Variants in NCOA3 observed in about 807,000 individuals in gnomAD.
NCOA3 encodes CBP-interacting protein.
A neutral mutation model predicts 158.8 loss-of-function variants in NCOA3; 51 were observed. The observed-to-expected ratio is 0.32, with a 90% CI of 0.26 to 0.41. The LOEUF (loss-of-function observed/expected upper bound fraction) is 0.41, where lower values mean the gene tolerates loss of function less well. NCOA3 is among the 10% of genes least tolerant of loss of function. NCOA3 has a pLI of 1.00. For missense variants in NCOA3, 1,510 were observed against 1,746.6 expected, an observed-to-expected ratio of 0.86 and a Z score of 2.41; for synonymous variants, 537 against 592.4, an observed-to-expected ratio of 0.91 and a Z score of 1.36.
intron 8 of NCOA3, among the ~76,000 whole-genome samples, chr20:47,629,156 TATAC>T (rs1449290433): frequency 6.6e-6 from 1 of 152,150 alleles, no homozygotes; most frequent in Non-Finnish European, 1.5e-5. Flanking sequence ...GTATATATAA[TATAC>T]ATAATGCAGA....
intron 2 of NCOA3, among the ~76,000 whole-genome samples, chr20:47,588,943 C>G (rs1344587812): frequency 6.6e-6 from 1 of 152,084 alleles, no homozygotes; most frequent in Non-Finnish European, 1.5e-5. Flanking sequence ...GGCTGGAGTA[C>G]AGTGGTGCAA....
rs1483895440 is a variant in NCOA3, at chr20:47,525,145, A to T, written c.-99+23126A>T. On this transcript the variant is annotated intron_variant, in intron 1 of 22. Transcript: ENST00000371998. ...GGAGTGGTGATGACTCTTAAGGAGC[A>T]TGCTGCCTTCAAGCATCTGTTTAAC... Among the ~76,000 whole-genome samples the T allele has an allele frequency of 5.4e-5, 8 of 149,466 alleles. No individual in the cohort carries two copies. In the East Asian group the frequency reaches 7.8e-4, roughly 15 times the overall value.
chr20:47,510,262 C>G (rs1338818465), intron 1 of NCOA3, among the ~76,000 whole-genome samples: 1 of 151,600 alleles, frequency 6.6e-6, no homozygotes, highest in Non-Finnish European at 1.5e-5. Flanking sequence ...GAAACTCCGT[C>G]TCTACTAAAA....
intron 1 of NCOA3, among the ~76,000 whole-genome samples, chr20:47,505,160 C>G (rs1372526386): frequency 6.9e-6 from 1 of 144,496 alleles, no homozygotes. Context: ...CTCCTGGGTT[C>G]AAGCAATTCT....
rs1199919209 is a variant in NCOA3, at chr20:47,647,909, GT to G, written c.3546+547del. ...AGGTTTTTTTTTTGTTTGTTTGTTT[GT>G]TTTGTTTTGTTTTTTTTTTTTTGAG... On this transcript the variant is annotated intron_variant, in intron 18 of 22. Coordinates refer to ENST00000371998, the MANE Select transcript of NCOA3 (RefSeq NM_181659.3). Among the ~76,000 whole-genome samples, 142 of 128,086 alleles carry G rather than the reference GT, an allele frequency of 1.1e-3. 2 individuals carry two copies. The highest frequency in any genetic ancestry group is 2.9e-3 in the African/African-American group (101 of 34,384). The allele number at this position is 128,086 out of a possible 152,430, so 84.0% of individuals were successfully genotyped here. A position where few individuals can be genotyped will look rare whatever the true frequency, so the allele number is the denominator to read the frequency against.
At chr20:47,533,104 CAAAAAA>C (rs11344209) in intron 1 of NCOA3, among the ~76,000 whole-genome samples, 2 of 39,716 alleles carry the variant, frequency 5.0e-5, no homozygotes, top group Non-Finnish European at 8.6e-5. Context: ...GACTCTGTCT[CAAAAAA>C]AAAAAAAAAA....
At chr20:47,602,710 A>G (rs928057583) in intron 2 of NCOA3, among the ~76,000 whole-genome samples, 2 of 152,136 alleles carry the variant, frequency 1.3e-5, no homozygotes, top group African/African-American at 4.8e-5. Context: ...AGAAAGTTGA[A>G]ATTTATTTTT....
chr20:47,636,695 C>T lies in NCOA3; in HGVS notation c.2309C>T (p.Thr770Ile). Residue 770 changes from threonine to isoleucine, a missense_variant, in exon 12 of 23, where the codon ACC (threonine) becomes ATC (isoleucine). By Grantham distance (89) the Thr-to-Ile change is moderately conservative. Coordinates refer to ENST00000371998, the MANE Select transcript of NCOA3 (RefSeq NM_181659.3). Reference sequence around the variant, plus strand: ...GTGGATAATAAAATGAGTCAGTGCACCAGCTCCACCATTCCTAGCTCAAGT... The same window carrying T: ...GTGGATAATAAAATGAGTCAGTGCATCAGCTCCACCATTCCTAGCTCAAGT... ...EGVDNKMSQC[T>I]SSTIPSSSQE... The T allele has an allele frequency of 6.2e-7, 1 of 1,614,064 alleles. No individual in the cohort carries two copies. Among genetic ancestry groups the T allele is most frequent in the Non-Finnish European group, 8.5e-7 (1 of 1,179,962 alleles).
In NCOA3 at chr20:47,653,073, G is replaced by A. The variant is rs1328420221; in HGVS notation, c.4263+1G>A. 1 of 1,614,132 alleles carries A rather than the reference G, an allele frequency of 6.2e-7. No homozygotes were observed. The highest frequency in any genetic ancestry group is 8.5e-7 in the Non-Finnish European group (1 of 1,180,012). On this transcript the variant is annotated splice_donor_variant, in intron 22 of 22. Coordinates refer to ENST00000371998, the MANE Select transcript of NCOA3 (RefSeq NM_181659.3). LOFTEE classifies it high-confidence loss of function. ...TGGCATGCCTATGGGTCCTGATCAG[G>A]TATGGGATCGATTCCTTACCTTTTT...
chr20:47,604,891 G>T (rs755451529), intron 2 of NCOA3, among the ~76,000 whole-genome samples: 2 of 151,754 alleles, frequency 1.3e-5, no homozygotes, highest in Non-Finnish European at 2.9e-5. Context: ...TTTTGAGGTG[G>T]GGTCTTGCTC....
rs748342282 is a variant in NCOA3, at chr20:47,625,501, C to T, written c.357+20C>T. The stretch of plus-strand genomic sequence containing the variant: ...CTTCAGGCAAGTATAAAGATTTTAA[C>T]TGTCCAGTAGGCTGTATTGCCCTTT... On this transcript the variant is annotated intron_variant, in intron 5 of 22. Transcript: ENST00000371998. 5.3e-6 allele frequency: 8 copies of T among 1,498,310 alleles called. No homozygotes were observed. Among genetic ancestry groups the T allele is most frequent in the East Asian group, 4.5e-5 (2 of 44,272 alleles). 92.8% of individuals were successfully genotyped at this position (1,498,310 alleles called of 1,614,324 possible).
chr20:47,628,823 A>G (rs1229216455), intron 8 of NCOA3: 4 of 152,184 alleles, frequency 2.6e-5, no homozygotes, highest in Non-Finnish European at 5.9e-5. Flanking sequence ...ATGAAATTAA[A>G]CACTGTGGCA....
At chr20:47,590,893 T>C (rs1348198569) in intron 2 of NCOA3, among the ~76,000 whole-genome samples, 1 of 152,116 alleles carries the variant, frequency 6.6e-6, no homozygotes, top group African/African-American at 2.4e-5. Flanking sequence ...GTTGATCACC[T>C]GAGGTCAGGA....
At chr20:47,532,036 A>G (rs928725871) in intron 1 of NCOA3, among the ~76,000 whole-genome samples, 2 of 151,894 alleles carry the variant, frequency 1.3e-5, no homozygotes, top group African/African-American at 2.4e-5. Flanking sequence ...TGTGTTGCCT[A>G]TTCCTTAGAT....
At chr20:47,541,785 A>G (rs1171342478) in intron 1 of NCOA3, among the ~76,000 whole-genome samples, 1 of 151,982 alleles carries the variant, frequency 6.6e-6, no homozygotes, top group Non-Finnish European at 1.5e-5. Flanking sequence ...AGCAAACTCT[A>G]CATTATTACA....
intron 1 of NCOA3, among the ~76,000 whole-genome samples, chr20:47,556,171 GCA>G (rs2085004158): frequency 6.6e-6 from 1 of 150,614 alleles, no homozygotes. Flanking sequence ...TTGAGCTCAA[GCA>G]TTCCACCCGC....
At chr20:47,527,759 G>T (rs1207047834) in intron 1 of NCOA3, among the ~76,000 whole-genome samples, 1 of 152,094 alleles carries the variant, frequency 6.6e-6, no homozygotes, top group Non-Finnish European at 1.5e-5. Context: ...TTTCAGTTTT[G>T]TAACCTCACC....
chr20:47,521,237 A>G (rs2146081299), intron 1 of NCOA3, among the ~76,000 whole-genome samples: 1 of 152,356 alleles, frequency 6.6e-6, no homozygotes, highest in East Asian at 1.9e-4. Context: ...ACCTCCTCAC[A>G]AGAGAGAACC....
At chr20:47,586,030 C>T (rs887725347) in intron 2 of NCOA3, among the ~76,000 whole-genome samples, 3 of 151,618 alleles carry the variant, frequency 2.0e-5, no homozygotes, top group Non-Finnish European at 4.4e-5. Context: ...AGTGATTCTC[C>T]TGCCTCAGCC....
Sources: allele counts gnomAD v4.1 joint callset (sites outside exome capture counted in the v4.1 genomes callset), GRCh38; gene constraint gnomAD v4.1.1; transcripts MANE v1.5; gene names NCBI Gene and HGNC (gene_info 2026-07-23, HGNC 2026-07-21).